The following MITF variants were observed in gnomAD, a reference collection of about 807,000 sequenced individuals.
MITF encodes the protein melanocyte inducing transcription factor.
Under a neutral mutation model 60.5 loss-of-function variants are expected in MITF, and 17 were observed. That is an observed-to-expected ratio of 0.28 (90% CI 0.19 to 0.42). The LOEUF is 0.42. Among genes scored for constraint, MITF ranks in the 10% least tolerant of loss-of-function variants. The pLI is 1.00. For missense variants in MITF, 622 were observed against 683.5 expected (o/e 0.91, Z 1.00); for synonymous variants, 260 against 248.5 (o/e 1.05, Z -0.43).
rs1020499321 is a variant in MITF at position 69,967,733 on chromosome 3, A to C, written c.*2485A>C. The C allele has an allele frequency of 4.3e-6, 1 of 232,818 alleles. No homozygotes were observed. The highest frequency in any genetic ancestry group is 2.2e-5 in the African/African-American group (1 of 45,296). 14.4% of individuals were successfully genotyped at this position (232,818 alleles called of 1,614,324 possible). ...GGTTTTATTTATTTCTTTTTTGCCAAATAGAGTGTGGATTCATTTCAGGGG... is the reference window on the plus strand; with the variant it reads ...GGTTTTATTTATTTCTTTTTTGCCACATAGAGTGTGGATTCATTTCAGGGG... On this transcript the variant is annotated 3_prime_UTR_variant, in exon 10 of 10. Transcript: ENST00000352241.
At chr3:69,911,950 A>T (rs76416271) in intron 2 of MITF, among the ~76,000 whole-genome samples, 2,350 of 152,332 alleles carry the variant, frequency 0.015, 29 homozygotes, top group Middle Eastern at 0.051. Context: ...AAAGGAGACA[A>T]ACATGGGGAT....
At chr3:69,945,144 G>T (rs577881378) in intron 5 of MITF, among the ~76,000 whole-genome samples, 1 of 152,096 alleles carries the variant, frequency 6.6e-6, no homozygotes, top group Non-Finnish European at 1.5e-5. Context: ...GTGCTCAATT[G>T]ATATTCAGAA....
chr3:69,743,187 T>C (rs1266842875), intron 1 of MITF, among the ~76,000 whole-genome samples: 1 of 152,174 alleles, frequency 6.6e-6, no homozygotes, highest in African/African-American at 2.4e-5. Context: ...TACTCCTGCC[T>C]CTATCAATTA....
At chr3:69,836,848 G>A (rs2107123117) in intron 1 of MITF, among the ~76,000 whole-genome samples, 1 of 152,274 alleles carries the variant, frequency 6.6e-6, no homozygotes, top group Non-Finnish European at 1.5e-5. Context: ...TATATTAAAG[G>A]ATTTTTAGGA....
chr3:69,843,822 C>A (rs1209730828), intron 1 of MITF, among the ~76,000 whole-genome samples: 1 of 152,068 alleles, frequency 6.6e-6, no homozygotes, highest in Non-Finnish European at 1.5e-5. Flanking sequence ...TATACACATG[C>A]CATGGTGGTT....
intron 9 of MITF, among the ~76,000 whole-genome samples, chr3:69,962,105 G>A (rs1403581975): frequency 6.6e-6 from 1 of 152,206 alleles, no homozygotes; most frequent in African/African-American, 2.4e-5. Flanking sequence ...GGATTAGAGT[G>A]AGATGTTTGC....
intron 1 of MITF, among the ~76,000 whole-genome samples, chr3:69,767,060 C>T (rs1183240666): frequency 1.3e-5 from 2 of 152,184 alleles, no homozygotes; most frequent in Non-Finnish European, 2.9e-5. Context: ...ATAGATAGAA[C>T]TTAATGAATG....
At chr3:69,922,423 T>C (rs1051656080) in intron 2 of MITF, among the ~76,000 whole-genome samples, 12 of 152,108 alleles carry the variant, frequency 7.9e-5, no homozygotes, top group African/African-American at 1.9e-4. Flanking sequence ...GGTTTCACCA[T>C]GTTGGCCAGG....
At chr3:69,815,671 G>A (rs1310757206) in intron 1 of MITF, among the ~76,000 whole-genome samples, 1 of 152,190 alleles carries the variant, frequency 6.6e-6, no homozygotes, top group African/African-American at 2.4e-5. Context: ...GTTTTGGAGA[G>A]AGTCAAAAGT....
At chr3:69,858,983 A>G (rs2063966228) in intron 1 of MITF, among the ~76,000 whole-genome samples, 1 of 152,156 alleles carries the variant, frequency 6.6e-6, no homozygotes. Flanking sequence ...ACTTTATCTC[A>G]TTCAATCATA....
chr3:69,922,231 C>CT (rs1245849290), intron 2 of MITF, among the ~76,000 whole-genome samples: 4 of 151,168 alleles, frequency 2.6e-5, no homozygotes, highest in Non-Finnish European at 4.4e-5. Context: ...TATGCCATTG[C>CT]TTTTTTTTTC....
chr3:69,868,854 G>A (rs1305194150), intron 1 of MITF, among the ~76,000 whole-genome samples: 3 of 147,152 alleles, frequency 2.0e-5, no homozygotes, highest in South Asian at 2.1e-4. Context: ...AGCCAAGATC[G>A]CACCACTGCA....
intron 2 of MITF, among the ~76,000 whole-genome samples, chr3:69,935,521 T>TA (rs377033280): frequency 0.018 from 2,770 of 149,980 alleles, 75 homozygotes; most frequent in African/African-American, 0.055. Context: ...GGACCCTTTA[T>TA]AAAAAAAAAA....
intron 1 of MITF, among the ~76,000 whole-genome samples, chr3:69,844,757 A>C (rs1175195757): frequency 6.8e-6 from 1 of 147,586 alleles, no homozygotes; most frequent in East Asian, 1.9e-4. Flanking sequence ...ATCTACAAGG[A>C]ACTTAAACAG....
At chr3:69,961,657 A>G (rs2066551602) in intron 9 of MITF, among the ~76,000 whole-genome samples, 1 of 152,138 alleles carries the variant, frequency 6.6e-6, no homozygotes, top group South Asian at 2.1e-4. Context: ...CCCGGGAGGC[A>G]GAGGTTGCGG....
At chr3:69,837,301 C>T (rs1052487744) in intron 1 of MITF, among the ~76,000 whole-genome samples, 4 of 152,188 alleles carry the variant, frequency 2.6e-5, no homozygotes, top group African/African-American at 9.7e-5. Context: ...TAATACGTGT[C>T]CACTTGACAC....
At chr3:69,936,564 T>C in intron 2 of MITF, 1 of 1,472,176 alleles carries the variant, frequency 6.8e-7, no homozygotes, top group Non-Finnish European at 9.0e-7. Context: ...TAGGTTATTA[T>C]AAGCAGGGCT....
At chr3:69,740,253 C>T (rs1181530485) in intron 1 of MITF, among the ~76,000 whole-genome samples, 1 of 151,952 alleles carries the variant, frequency 6.6e-6, no homozygotes, top group Non-Finnish European at 1.5e-5. Flanking sequence ...TGAGGTTTCT[C>T]TGGGCTCCGC....
At chr3:69,831,358 C>T (rs905156470) in intron 1 of MITF, among the ~76,000 whole-genome samples, 1 of 152,176 alleles carries the variant, frequency 6.6e-6, no homozygotes, top group Admixed American at 6.5e-5. Context: ...TTTTTCTGTT[C>T]CTTTTTCTTT....
Sources: gnomAD v4.1 joint callset for allele counts (sites outside exome capture counted in the v4.1 genomes callset) on GRCh38, gnomAD v4.1.1 for gene constraint, MANE v1.5 for transcripts, NCBI Gene and HGNC (gene_info 2026-07-23, HGNC 2026-07-21) for gene names.